Variants in ARHGEF6 observed in about 807,000 individuals in gnomAD.
ARHGEF6 encodes the protein Rac/Cdc42 guanine nucleotide exchange factor 6.
Under a neutral mutation model 70.3 loss-of-function variants are expected in ARHGEF6, and 9 were observed. The observed-to-expected ratio is 0.13, with a 90% CI of 0.08 to 0.22. ARHGEF6 has a LOEUF of 0.22. Ranked by LOEUF, ARHGEF6 falls within the 10% of genes least tolerant of loss-of-function variation. The pLI is 1.00. For missense variants in ARHGEF6, 470 were observed against 563.0 expected (o/e 0.83, Z 1.67); for synonymous variants, 201 against 207.8 (o/e 0.97, Z 0.28).
At chrX:136,678,983 T>C (rs1017868619) in intron 16 of ARHGEF6, among the ~76,000 whole-genome samples, 5 of 111,853 alleles carry the variant, frequency 4.5e-5, no homozygotes, top group Non-Finnish European at 9.4e-5. Context: ...ATCCCCACAC[T>C]ACCCAAATAT....
At chrX:136,762,884 A>G (rs2077277318) in intron 2 of ARHGEF6, among the ~76,000 whole-genome samples, 1 of 111,699 alleles carries the variant, frequency 9.0e-6, no homozygotes, top group Admixed American at 9.5e-5. Flanking sequence ...CCATGTCCAA[A>G]GCTCAAGCTC....
intron 6 of ARHGEF6, among the ~76,000 whole-genome samples, chrX:136,722,355 AAATGAC>A (rs2076807612): frequency 8.9e-6 from 1 of 112,386 alleles, no homozygotes; most frequent in African/African-American, 3.2e-5. Context: ...TTTGTGTGTT[AAATGAC>A]ATTATCAAGA....
chrX:136,773,796 T>C (rs887253063), intron 2 of ARHGEF6, among the ~76,000 whole-genome samples: 1 of 111,977 alleles, frequency 8.9e-6, no homozygotes, highest in African/African-American at 3.3e-5. Context: ...CAGCCAGTAA[T>C]TGACCAAGCC....
At chrX:136,774,041 A>G (rs2077383015) in intron 2 of ARHGEF6, 1 of 112,272 alleles carries the variant, frequency 8.9e-6, no homozygotes, top group African/African-American at 3.2e-5. Flanking sequence ...GGAACGATAC[A>G]GAGAATATTC....
At chrX:136,766,392 TG>T (rs34091837) in intron 2 of ARHGEF6, among the ~76,000 whole-genome samples, 103 of 103,842 alleles carry the variant, frequency 9.9e-4, no homozygotes, top group South Asian at 1.8e-3. Flanking sequence ...AGGTTTTTTT[TG>T]GGGGGGGGTT....
intron 2 of ARHGEF6, among the ~76,000 whole-genome samples, chrX:136,753,016 T>C (rs2077168637): frequency 8.9e-6 from 1 of 111,948 alleles, no homozygotes; most frequent in South Asian, 3.7e-4. Context: ...CCTGGCCCTG[T>C]GAACGTGATC....
intron 2 of ARHGEF6, among the ~76,000 whole-genome samples, chrX:136,778,105 C>T (rs2077420815): frequency 9.0e-6 from 1 of 111,447 alleles, no homozygotes; most frequent in Admixed American, 9.5e-5. Flanking sequence ...TCCATGTAAC[C>T]AAACACCACC....
At chrX:136,677,487 C>T (rs1221722812) in intron 17 of ARHGEF6, among the ~76,000 whole-genome samples, 1 of 111,897 alleles carries the variant, frequency 8.9e-6, no homozygotes, top group Admixed American at 9.4e-5. Context: ...AAACAGATTA[C>T]AACCTTAGAC....
intron 3 of ARHGEF6, among the ~76,000 whole-genome samples, chrX:136,745,933 C>A (rs2077091102): frequency 8.9e-6 from 1 of 111,928 alleles, no homozygotes; most frequent in Non-Finnish European, 1.9e-5. Flanking sequence ...TTCCTTGAAA[C>A]CTTGTGAAAT....
intron 14 of ARHGEF6, among the ~76,000 whole-genome samples, chrX:136,681,666 G>A (rs768962222): frequency 8.9e-6 from 1 of 112,303 alleles, no homozygotes; most frequent in South Asian, 3.7e-4. Flanking sequence ...TCATGCAACA[G>A]AAAATTGAAA....
At chrX:136,740,255 C>T (rs957702144) in intron 5 of ARHGEF6, among the ~76,000 whole-genome samples, 29 of 111,149 alleles carry the variant, frequency 2.6e-4, no homozygotes, top group Non-Finnish European at 5.1e-4. Flanking sequence ...GTGATCCGCC[C>T]GCCTCAGCCT....
intron 14 of ARHGEF6, 50 bp from the exon 15 acceptor site, chrX:136,680,926 T>C (rs751169302): frequency 7.0e-5 from 83 of 1,188,936 alleles, no homozygotes; most frequent in Non-Finnish European, 8.4e-5. Flanking sequence ...AAGGAAAAAC[T>C]TGAGCTTGTC....
At chrX:136,671,822 G>A (rs768733265) in intron 20 of ARHGEF6, among the ~76,000 whole-genome samples, 198 bp downstream of exon 20, 4 of 111,970 alleles carry the variant, frequency 3.6e-5, no homozygotes, top group South Asian at 3.7e-4. Flanking sequence ...CTCTGTCACC[G>A]CTGCTTTTCC....
chrX:136,718,227 A>T (rs551152113), intron 6 of ARHGEF6, among the ~76,000 whole-genome samples: 2 of 111,844 alleles, frequency 1.8e-5, no homozygotes, highest in Non-Finnish European at 3.8e-5. Flanking sequence ...TGTTAATTTT[A>T]GACAGAGCAA....
intron 6 of ARHGEF6, among the ~76,000 whole-genome samples, chrX:136,720,471 G>A (rs2076784240): frequency 9.3e-6 from 1 of 107,287 alleles, no homozygotes; most frequent in Non-Finnish European, 1.9e-5. Context: ...CAGAAAACTA[G>A]GAATAGTTTC....
chrX:136,760,204 G>T (rs914997836), intron 2 of ARHGEF6, among the ~76,000 whole-genome samples: 8 of 112,533 alleles, frequency 7.1e-5, no homozygotes, highest in Non-Finnish European at 1.5e-4. Flanking sequence ...TAAGAAACTG[G>T]CAAGTGCCTT....
At chrX:136,707,096 C>A in intron 8 of ARHGEF6, 66 bp from the exon 9 acceptor site, 1 of 1,139,928 alleles carries the variant, frequency 8.8e-7, no homozygotes, top group Non-Finnish European at 1.2e-6. Context: ...AAGATTATTC[C>A]AATTAAACCT....
intron 13 of ARHGEF6, 129 bp from the exon 14 acceptor site, chrX:136,682,097 T>C (rs1055326103): frequency 1.3e-5 from 7 of 520,199 alleles, no homozygotes; most frequent in Non-Finnish European, 2.3e-5. Flanking sequence ...TGTCAATAGA[T>C]AATATGTTTC....
At position 136,690,723 on chromosome X, in the gene ARHGEF6, T is replaced by A; in HGVS notation, c.1072A>T (p.Asn358Tyr). ...HSDELEQFME[N>Y]QGASSPGILI... ...ATACCTGGGCTCGATGCACCTTGAT[T>A]TTCCATGAATTGTTCCAACTCATCA... Residue 358 changes from asparagine to tyrosine, a missense_variant, in exon 10 of 22, where the codon AAT becomes TAT. Asn to Tyr is a moderately radical substitution (Grantham distance 143). This residue lies in a region of ARHGEF6 where 379 missense variants were observed against 449.3 expected (regional missense o/e 0.84). Coordinates refer to ENST00000250617, the MANE Select transcript of ARHGEF6 (RefSeq NM_004840.3). 8.3e-7 allele frequency: 1 copy of A among 1,211,288 alleles called. No homozygotes were observed. Among genetic ancestry groups the A allele is most frequent in the Non-Finnish European group, 1.1e-6 (1 of 895,021 alleles).
Sources: gnomAD v4.1 joint callset for allele counts (sites outside exome capture counted in the v4.1 genomes callset) on GRCh38, gnomAD v4.1.1 for gene constraint, gnomAD v4.1.1 regional missense constraint, MANE v1.5 for transcripts, NCBI Gene and HGNC (gene_info 2026-07-23, HGNC 2026-07-21) for gene names.